C14orf39: variants seen among roughly 807,000 people sequenced by gnomAD.
C14orf39 encodes the protein chromosome 14 open reading frame 39.
C14orf39 carries 66 observed loss-of-function variants against 85.6 expected under a neutral mutation model. The observed-to-expected ratio is 0.77, with a 90% CI of 0.63 to 0.95. The LOEUF (loss-of-function observed/expected upper bound fraction) is 0.95, where lower values mean the gene tolerates loss of function less well. Among genes scored for constraint, C14orf39 ranks in the 40% least tolerant of loss-of-function variants. C14orf39 has a pLI of 0.00. For missense variants in C14orf39, 735 were observed against 663.9 expected, an observed-to-expected ratio of 1.11 and a Z score of -1.18; for synonymous variants, 242 against 214.0, an observed-to-expected ratio of 1.13 and a Z score of -1.14.
intron 4 of C14orf39, among the ~76,000 whole-genome samples, chr14:60,483,313 T>C (rs1892727979): frequency 6.6e-6 from 1 of 152,186 alleles, no homozygotes; most frequent in Non-Finnish European, 1.5e-5. Context: ...TGAAGCCATG[T>C]TGAAAGAATT....
At chr14:60,479,044 CT>C (rs1273300902) in intron 4 of C14orf39, among the ~76,000 whole-genome samples, 1 of 151,708 alleles carries the variant, frequency 6.6e-6, no homozygotes, top group Non-Finnish European at 1.5e-5. Context: ...TTTTTTCTAA[CT>C]TTTTTTTCAG....
rs142634946 is a variant in C14orf39 at position 60,482,586 on chromosome 14, G to A, written c.233+1105C>T. On this transcript the variant is annotated intron_variant, in intron 4 of 17. Coordinates refer to ENST00000321731, the MANE Select transcript of C14orf39 (RefSeq NM_174978.3). ...TATTATCGACCCAATGTTTAAATGT[G>A]CATACTCTTTAGCAATTTCACTTCT... 4.4e-3 allele frequency among the ~76,000 whole-genome samples: 667 copies of A among 152,130 alleles called. 2 individuals carry two copies. Among genetic ancestry groups the A allele is most frequent in the African/African-American group, 0.015 (608 of 41,486 alleles).
At chr14:60,491,051 A>G (rs1892982286), upstream of C14orf39, among the ~76,000 whole-genome samples, 1 of 152,244 alleles carries the variant, frequency 6.6e-6, no homozygotes, top group Non-Finnish European at 1.5e-5. The surrounding 1 kb of genome is among the most constrained non-coding windows in gnomAD (Gnocchi z 4.5). Context: ...GTCAAAAGGA[A>G]AAGCAACTGT....
chr14:60,500,870 C>T (rs747720655), intron 1 of C14orf39, among the ~76,000 whole-genome samples: 4 of 150,196 alleles, frequency 2.7e-5, no homozygotes, highest in African/African-American at 9.8e-5. Context: ...AGAAGGAAAA[C>T]GAACAAAAAA....
intron 5 of C14orf39, among the ~76,000 whole-genome samples, chr14:60,475,665 T>C (rs1162750306): frequency 1.3e-5 from 2 of 152,148 alleles, no homozygotes; most frequent in African/African-American, 4.8e-5. Flanking sequence ...ATGGCAGATG[T>C]TGGCCCACAA....
upstream of C14orf39, among the ~76,000 whole-genome samples, chr14:60,486,379 A>G (rs1892893973): frequency 6.6e-6 from 1 of 152,214 alleles, no homozygotes; most frequent in Non-Finnish European, 1.5e-5. Flanking sequence ...GAGTACAACA[A>G]TAAAATTGAT....
rs1186103876 is a variant in C14orf39, at chr14:60,441,973, T to TAAAGAATAA, written c.1561+92_1561+100dup. 4 of 752,630 alleles carry TAAAGAATAA rather than the reference T, an allele frequency of 5.3e-6. No homozygotes were observed. In the African/African-American group the frequency reaches 7.0e-5, roughly 13 times the overall value. The allele number at this position is 752,630 out of a possible 1,614,324, so 46.6% of individuals were successfully genotyped here. A position where few individuals can be genotyped will look rare whatever the true frequency, so the allele number is the denominator to read the frequency against. On this transcript the variant is annotated intron_variant, in intron 17 of 17. Coordinates refer to ENST00000321731, the MANE Select transcript of C14orf39 (RefSeq NM_174978.3). ...GTAGTGCAGAAGTAACAGTAATTTCTAAAGAATAAATTGAGCACCTAAGAA... is the reference window on the plus strand; with the variant it reads ...GTAGTGCAGAAGTAACAGTAATTTCTAAAGAATAAAAAGAATAAATTGAGCACCTAAGAA...
intron 1 of C14orf39, 73 bp from the exon 2 acceptor site, chr14:60,485,159 C>A: frequency 2.4e-6 from 3 of 1,259,706 alleles, no homozygotes; most frequent in Non-Finnish European, 3.4e-6. Flanking sequence ...TTCGTAACGA[C>A]CTTTTCAATA....
intron 11 of C14orf39, among the ~76,000 whole-genome samples, chr14:60,464,279 G>A (rs1891675670): frequency 6.6e-6 from 1 of 152,142 alleles, no homozygotes; most frequent in Non-Finnish European, 1.5e-5. Context: ...GCATTGTTGA[G>A]ATGATGCTAT....
At chr14:60,489,139 T>C (rs975961594), upstream of C14orf39, among the ~76,000 whole-genome samples, 1 of 152,232 alleles carries the variant, frequency 6.6e-6, no homozygotes, top group Admixed American at 6.5e-5. Flanking sequence ...AATATTTATC[T>C]TTATATGCTT....
chr14:60,471,123 G>A (rs961075372), intron 7 of C14orf39, among the ~76,000 whole-genome samples: 8 of 151,722 alleles, frequency 5.3e-5, no homozygotes, highest in African/African-American at 1.7e-4. Flanking sequence ...AATTTAACTG[G>A]AATTTTCTTT....
Position 60,436,875 on chromosome 14 carries a change from TG to T in C14orf39, c.1733del (p.Ser578TyrfsTer26), listed in dbSNP as rs747810879. 1.2e-6 allele frequency: 2 copies of T among 1,611,466 alleles called. No individual in the cohort carries two copies. The highest frequency in any genetic ancestry group is 2.2e-5 in the South Asian group (2 of 90,834). On this transcript the variant is annotated frameshift_variant, in exon 18 of 18. Transcript: ENST00000321731. LOFTEE classifies it high-confidence loss of function. ...SSSLKGFSSS[S>X]QNTTQFTFF ...AAAAAGTAAACTGTGTTGTATTTTG[TG>T]AGGAAGATGAAAAACCTTTTAAAGA...
chr14:60,472,712 TGTCCCTACAAAGGACATGAAC>T, intron 5 of C14orf39, among the ~76,000 whole-genome samples: 1 of 152,208 alleles, frequency 6.6e-6, no homozygotes, highest in Non-Finnish European at 1.5e-5. Flanking sequence ...GCTTCATCCT[TGTCCCTACAAAGGACATGAAC>T]TCATCATTTT....
At chr14:60,495,549 G>T in intron 2 of C14orf39, 1 of 229,888 alleles carries the variant, frequency 4.3e-6, no homozygotes, top group South Asian at 8.4e-5. Context: ...CAGGTACAGA[G>T]AGTACATGGG....
intron 7 of C14orf39, among the ~76,000 whole-genome samples, 192 bp from the exon 8 acceptor site, chr14:60,469,845 G>A (rs1891985553): frequency 6.9e-6 from 1 of 145,740 alleles, no homozygotes; most frequent in Non-Finnish European, 1.5e-5. Flanking sequence ...ATAATTTATT[G>A]TTTATGTTAT....
intron 16 of C14orf39, among the ~76,000 whole-genome samples, chr14:60,443,474 G>A (rs979352795): frequency 3.3e-5 from 5 of 152,202 alleles, no homozygotes; most frequent in Non-Finnish European, 7.3e-5. Flanking sequence ...AGGGGGAGGG[G>A]TGTCTGCCAT....
intron 5 of C14orf39, among the ~76,000 whole-genome samples, chr14:60,475,352 ACAAAAAACCGTT>A (rs960003344): frequency 3.3e-5 from 5 of 152,104 alleles, no homozygotes; most frequent in African/African-American, 1.2e-4. Context: ...CGGCTCCTAC[ACAAAAAACCGTT>A]CAAATAACCT....
At chr14:60,439,952 G>A (rs1333661903) in intron 17 of C14orf39, among the ~76,000 whole-genome samples, 1 of 152,114 alleles carries the variant, frequency 6.6e-6, no homozygotes, top group East Asian at 1.9e-4. Flanking sequence ...CTGGGCGCCT[G>A]TAATCCCAGC....
At chr14:60,497,293 G>A (rs1337322838) in intron 2 of C14orf39, among the ~76,000 whole-genome samples, 1 of 152,072 alleles carries the variant, frequency 6.6e-6, no homozygotes, top group Non-Finnish European at 1.5e-5. Context: ...ATCCTTCATA[G>A]CAATTAACAC....
Sources: gnomAD v4.1 joint callset for allele counts (sites outside exome capture counted in the v4.1 genomes callset) on GRCh38, gnomAD v4.1.1 for gene constraint, Gnocchi (gnomAD v3.1) non-coding constraint, MANE v1.5 for transcripts, NCBI Gene and HGNC (gene_info 2026-07-23, HGNC 2026-07-21) for gene names.